Variants in ATP10D observed in about 807,000 individuals in gnomAD.
The protein encoded by ATP10D is ATPase phospholipid transporting 10D (putative).
Under a neutral mutation model 144.8 loss-of-function variants are expected in ATP10D, and 89 were observed. That is an observed-to-expected ratio of 0.61 (90% CI 0.52 to 0.73). The LOEUF (loss-of-function observed/expected upper bound fraction) is 0.73, where lower values mean the gene tolerates loss of function less well. ATP10D is among the 30% of genes least tolerant of loss of function. The pLI, the probability that ATP10D is intolerant of heterozygous loss-of-function variation, is 0.00. For synonymous variants in ATP10D, 571 were observed against 615.1 expected, an observed-to-expected ratio of 0.93 and a Z score of 1.06; for missense variants, 1,603 against 1,714.8, an observed-to-expected ratio of 0.93 and a Z score of 1.15.
chr4:47,569,809 T>G (rs1719857050), intron 16 of ATP10D, among the ~76,000 whole-genome samples: 1 of 152,062 alleles, frequency 6.6e-6, no homozygotes, highest in African/African-American at 2.4e-5. Flanking sequence ...AGCAGAGATG[T>G]GAAGGAAATC....
chr4:47,524,456 G>T (rs6817661), intron 4 of ATP10D, among the ~76,000 whole-genome samples: 57,182 of 151,976 alleles, frequency 0.38, 11,354 homozygotes, highest in East Asian at 0.81. Flanking sequence ...AAAGACATTG[G>T]TAAAAATCCT....
intron 3 of ATP10D, among the ~76,000 whole-genome samples, chr4:47,520,560 T>C (rs10018336): frequency 8.5e-5 from 13 of 152,094 alleles, no homozygotes; most frequent in African/African-American, 3.1e-4. Flanking sequence ...CGGTAACTTC[T>C]TTTTTGTTTT....
intron 1 of ATP10D, among the ~76,000 whole-genome samples, chr4:47,500,940 T>C (rs10033475): frequency 0.13 from 20,252 of 152,232 alleles, 1,486 homozygotes; most frequent in African/African-American, 0.19. Flanking sequence ...GCAGTGTGAA[T>C]GGCCAACTTA....
chr4:47,485,410 C>T lies in ATP10D; in HGVS notation c.-147C>T, dbSNP rs1714692379. On this transcript the variant is annotated 5_prime_UTR_variant, in exon 1 of 23. Coordinates refer to ENST00000273859, the MANE Select transcript of ATP10D (RefSeq NM_020453.4). ...TTTTTTTTTCCCGGAAGGCAAATGGCTGGCGTGGAAGCACAACCCGCTTTC... is the reference window on the plus strand; with the variant it reads ...TTTTTTTTTCCCGGAAGGCAAATGGTTGGCGTGGAAGCACAACCCGCTTTC... The T allele has an allele frequency of 6.6e-6, 1 of 151,626 alleles. No homozygotes were observed. Among genetic ancestry groups the T allele is most frequent in the African/African-American group, 2.4e-5 (1 of 41,234 alleles). 9.4% of individuals were successfully genotyped at this position (151,626 alleles called of 1,614,324 possible).
chr4:47,590,976 TG>T (rs4031826), intron 22 of ATP10D, 65 bp from the exon 23 acceptor site: 69,305 of 907,442 alleles, frequency 0.076, 6 homozygotes, highest in South Asian at 0.12. Context: ...CGTTAGTATT[TG>T]GGGGGGGGGG....
At chr4:47,534,782 A>G (rs1228483146) in intron 5 of ATP10D, among the ~76,000 whole-genome samples, 1 of 152,048 alleles carries the variant, frequency 6.6e-6, no homozygotes, top group Non-Finnish European at 1.5e-5. Context: ...TGCTTGGAAT[A>G]TTTTTTTATA....
chr4:47,505,463 C>T (rs1715968829), intron 1 of ATP10D, among the ~76,000 whole-genome samples: 1 of 152,114 alleles, frequency 6.6e-6, no homozygotes, highest in African/African-American at 2.4e-5. Flanking sequence ...GTGGCTCACA[C>T]CTATAATCCT....
At chr4:47,529,294 T>C (rs757889987) in intron 5 of ATP10D, among the ~76,000 whole-genome samples, 1 of 152,242 alleles carries the variant, frequency 6.6e-6, no homozygotes, top group Non-Finnish European at 1.5e-5. Context: ...GAGTCTTTAA[T>C]CCATCTTGAG....
intron 1 of ATP10D, among the ~76,000 whole-genome samples, chr4:47,487,203 T>C (rs1333773783): frequency 8.1e-6 from 1 of 123,714 alleles, no homozygotes; most frequent in Admixed American, 1.0e-4. Flanking sequence ...CACTCCAGCC[T>C]GGGCAACAAG....
intron 15 of ATP10D, among the ~76,000 whole-genome samples, chr4:47,565,886 A>G (rs1483080889): frequency 6.6e-6 from 1 of 152,170 alleles, no homozygotes; most frequent in Non-Finnish European, 1.5e-5. Flanking sequence ...TTTTTTTGCT[A>G]TCGATAGCTA....
chr4:47,573,902 G>A (rs1372402052), intron 18 of ATP10D, among the ~76,000 whole-genome samples: 4 of 151,602 alleles, frequency 2.6e-5, no homozygotes, highest in African/African-American at 9.7e-5. Context: ...TTTTCCTATA[G>A]CACAGTACAC....
At chr4:47,559,128 G>C (rs1719146729) in intron 13 of ATP10D, 99 bp downstream of exon 13, 2 of 827,334 alleles carry the variant, frequency 2.4e-6, no homozygotes, top group Non-Finnish European at 3.9e-6. Flanking sequence ...CCAGATGCTG[G>C]GGAAAGTCCC....
intron 10 of ATP10D, among the ~76,000 whole-genome samples, chr4:47,553,119 C>A (rs928952803): frequency 2.0e-5 from 3 of 152,178 alleles, no homozygotes; most frequent in African/African-American, 7.2e-5. Context: ...CAACAAATTT[C>A]CCAGGCATCT....
chr4:47,557,161 T>C (rs1719028190), intron 11 of ATP10D, among the ~76,000 whole-genome samples: 1 of 152,118 alleles, frequency 6.6e-6, no homozygotes, highest in South Asian at 2.1e-4. Context: ...TTTTTAAATA[T>C]TATATAACAT....
At chr4:47,559,266 C>T (rs1458873878) in intron 13 of ATP10D, among the ~76,000 whole-genome samples, 1 of 152,104 alleles carries the variant, frequency 6.6e-6, no homozygotes, top group East Asian at 1.9e-4. Flanking sequence ...TCAATATGTC[C>T]GTGAGTGACT....
chr4:47,492,679 AATTAT>A, intron 1 of ATP10D, among the ~76,000 whole-genome samples: 1 of 152,300 alleles, frequency 6.6e-6, no homozygotes, highest in East Asian at 1.9e-4. Context: ...TCTATGTAAT[AATTAT>A]ATTAATATTA....
chr4:47,535,325 A>AG (rs1717786096), intron 5 of ATP10D, among the ~76,000 whole-genome samples, 184 bp from the exon 6 acceptor site: 1 of 151,784 alleles, frequency 6.6e-6, no homozygotes, highest in Non-Finnish European at 1.5e-5. Flanking sequence ...TCTAAAAAAA[A>AG]AAAAAGAAAC....
intron 14 of ATP10D, among the ~76,000 whole-genome samples, chr4:47,562,111 T>C (rs1171439464): frequency 6.6e-6 from 1 of 152,230 alleles, no homozygotes; most frequent in African/African-American, 2.4e-5. Context: ...CCTGATTTGA[T>C]ATAAGACTAT....
In ATP10D at chr4:47,554,764, A is replaced by G; in HGVS notation, c.1674A>G (p.Lys558=). 1.2e-6 allele frequency: 2 copies of G among 1,613,878 alleles called. No homozygotes were observed. Among genetic ancestry groups the G allele is most frequent in the Non-Finnish European group, 1.7e-6 (2 of 1,179,862 alleles). Residue 558 remains lysine (K), a synonymous_variant, in exon 11 of 23, where the codon AAA becomes AAG. Coordinates refer to ENST00000273859, the MANE Select transcript of ATP10D (RefSeq NM_020453.4). ...DVVPDTRLLD[K]FSQITPRLFM... is the part of the protein sequence containing the mutation. ...TACCAGACACCAGGCTTTTAGACAAATTTAGTCAGATTACACCTCGGCTCT... is the reference window on the plus strand; with the variant it reads ...TACCAGACACCAGGCTTTTAGACAAGTTTAGTCAGATTACACCTCGGCTCT...
Sources: gnomAD v4.1 joint callset for allele counts (sites outside exome capture counted in the v4.1 genomes callset) on GRCh38, gnomAD v4.1.1 for gene constraint, MANE v1.5 for transcripts, NCBI Gene and HGNC (gene_info 2026-07-23, HGNC 2026-07-21) for gene names.